The following WWC2 variants were observed in gnomAD, a reference collection of about 807,000 sequenced individuals.
WWC2 encodes the protein WW and C2 domain containing 2.
In WWC2, 101 loss-of-function variants were observed where a neutral mutation model predicts 138.5. The observed-to-expected ratio is 0.73, with a 90% CI of 0.62 to 0.86. The LOEUF is 0.86. Among genes scored for constraint, WWC2 ranks in the 40% least tolerant of loss-of-function variants. The probability of loss-of-function intolerance (pLI) is 0.00; values close to 1 mark genes in which losing one functional copy is unlikely to be tolerated. For missense variants in WWC2, 1,420 were observed against 1,419.4 expected, an observed-to-expected ratio of 1.00 and a Z score of -0.01; for synonymous variants, 558 against 538.4, an observed-to-expected ratio of 1.04 and a Z score of -0.50.
At chr4:183,231,333 G>A (rs920799968) in intron 4 of WWC2, among the ~76,000 whole-genome samples, 3 of 140,534 alleles carry the variant, frequency 2.1e-5, no homozygotes, top group East Asian at 2.2e-4. Context: ...GCAGTGGCGC[G>A]ATCTCAGCTC....
chr4:183,200,170 T>G (rs1735259361), intron 2 of WWC2, among the ~76,000 whole-genome samples: 1 of 152,184 alleles, frequency 6.6e-6, no homozygotes, highest in East Asian at 1.9e-4. Flanking sequence ...TCCTGACCTA[T>G]CCAAGACAAA....
At chr4:183,277,474 A>G (rs1377386727) in intron 16 of WWC2, among the ~76,000 whole-genome samples, 5 of 150,888 alleles carry the variant, frequency 3.3e-5, no homozygotes, top group Admixed American at 1.3e-4. Context: ...AGCATGATTT[A>G]TAGTCCTTTG....
intron 1 of WWC2, among the ~76,000 whole-genome samples, chr4:183,124,822 C>G (rs1381168086): frequency 6.6e-6 from 1 of 152,130 alleles, no homozygotes; most frequent in Non-Finnish European, 1.5e-5. Flanking sequence ...AACTCTTGAC[C>G]TTGTGATCTG....
chr4:183,099,671 T>G (rs759115055), intron 1 of WWC2, 49 bp downstream of exon 1: 13 of 1,207,060 alleles, frequency 1.1e-5, no homozygotes, highest in Non-Finnish European at 1.4e-5. Context: ...CGGCGGCTGT[T>G]GTCCCGGAGA....
intron 1 of WWC2, among the ~76,000 whole-genome samples, chr4:183,150,124 T>G (rs1005070653): frequency 6.6e-6 from 1 of 152,132 alleles, no homozygotes; most frequent in Non-Finnish European, 1.5e-5. Flanking sequence ...GAGTGAGAGG[T>G]CCTGGCCTGC....
intron 1 of WWC2, among the ~76,000 whole-genome samples, chr4:183,134,709 A>G (rs1579972883): frequency 6.6e-6 from 1 of 152,254 alleles, no homozygotes; most frequent in African/African-American, 2.4e-5. Context: ...ATTTGTTAGT[A>G]GGTACGTGCA....
Position 183,315,955 on chromosome 4 carries a change from G to C in WWC2, c.*226G>C, listed in dbSNP as rs1739423388. 1 of 430,810 alleles carries C rather than the reference G, an allele frequency of 2.3e-6. No homozygotes were observed. The highest frequency in any genetic ancestry group is 4.3e-5 in the East Asian group (1 of 23,026). 26.7% of individuals were successfully genotyped at this position (430,810 alleles called of 1,614,324 possible). A position where few individuals can be genotyped will look rare whatever the true frequency, so the allele number is the denominator to read the frequency against. Reference sequence around the variant, plus strand: ...AGAAAAAATCATATAAGAAAGATGGGATAACCTGGTACACAAATGTTGCCC... The same window carrying C: ...AGAAAAAATCATATAAGAAAGATGGCATAACCTGGTACACAAATGTTGCCC... On this transcript the variant is annotated 3_prime_UTR_variant, in exon 23 of 23. Transcript: ENST00000403733.
intron 4 of WWC2, among the ~76,000 whole-genome samples, chr4:183,213,925 TAAAA>T (rs759954959): frequency 7.0e-6 from 1 of 143,004 alleles, no homozygotes; most frequent in East Asian, 2.0e-4. Context: ...CAATTGCCGT[TAAAA>T]AAAAAAAAAC....
chr4:183,176,769 A>T (rs1261479570), intron 1 of WWC2, among the ~76,000 whole-genome samples: 1 of 151,934 alleles, frequency 6.6e-6, no homozygotes, highest in African/African-American at 2.4e-5. Context: ...AACCACTCAG[A>T]CTGCATCCTC....
At chr4:183,200,029 C>G (rs1735255697) in intron 2 of WWC2, among the ~76,000 whole-genome samples, 1 of 152,156 alleles carries the variant, frequency 6.6e-6, no homozygotes, top group African/African-American at 2.4e-5. Context: ...CTTTATGAAG[C>G]CTTCTAAGGT....
intron 1 of WWC2, among the ~76,000 whole-genome samples, chr4:183,120,319 CAAA>C (rs1561423462): frequency 6.6e-6 from 1 of 152,080 alleles, no homozygotes; most frequent in Non-Finnish European, 1.5e-5. Context: ...GAATTGTTAA[CAAA>C]GAAAGATGTA....
At chr4:183,242,100 T>C (rs1736642008) in intron 5 of WWC2, among the ~76,000 whole-genome samples, 1 of 152,176 alleles carries the variant, frequency 6.6e-6, no homozygotes. Flanking sequence ...AGCAGAAAGA[T>C]ATGATATCTA....
rs895313977 is a variant in WWC2 at position 183,319,624 on chromosome 4, A to G, written c.*3895A>G. ...TGATCTTGTGTTTGTGCCACTGCGT[A>G]GTGGCCCGAAGCTAGGGGAGCGTGG... On this transcript the variant is annotated 3_prime_UTR_variant, in exon 23 of 23. Transcript: ENST00000403733. 1 of 1,613,980 alleles carries G rather than the reference A, an allele frequency of 6.2e-7. No homozygotes were observed. The highest frequency in any genetic ancestry group is 1.3e-5 in the African/African-American group (1 of 74,898).
At chr4:183,269,566 AT>A in intron 15 of WWC2, 1 of 466,612 alleles carries the variant, frequency 2.1e-6, no homozygotes, top group Non-Finnish European at 4.4e-6. Context: ...GAAATGGATG[AT>A]TATCCACTAT....
At chr4:183,134,920 G>A (rs1038813919) in intron 1 of WWC2, among the ~76,000 whole-genome samples, 31 of 151,464 alleles carry the variant, frequency 2.0e-4, no homozygotes, top group Admixed American at 1.8e-3. Context: ...AATCTAGTCC[G>A]ATATGATCTT....
intron 1 of WWC2, among the ~76,000 whole-genome samples, chr4:183,137,350 C>T (rs1283956223): frequency 6.6e-6 from 1 of 151,892 alleles, no homozygotes; most frequent in Non-Finnish European, 1.5e-5. Context: ...TGTCCTTGTT[C>T]TATAAGCTTT....
intron 16 of WWC2, among the ~76,000 whole-genome samples, chr4:183,276,214 T>C (rs1333358181): frequency 2.6e-5 from 4 of 152,114 alleles, no homozygotes; most frequent in African/African-American, 9.6e-5. Flanking sequence ...ATATTATATT[T>C]AAAGTATTCT....
intron 22 of WWC2, 55 bp downstream of exon 22, chr4:183,312,523 G>A: frequency 6.2e-7 from 1 of 1,606,448 alleles, no homozygotes; most frequent in Middle Eastern, 1.7e-4. Context: ...GTCTGATTGT[G>A]TAGGAATTCA....
At chr4:183,308,555 A>G (rs1319809955) in intron 21 of WWC2, among the ~76,000 whole-genome samples, 1 of 152,138 alleles carries the variant, frequency 6.6e-6, no homozygotes, top group East Asian at 1.9e-4. Flanking sequence ...AGATTGACCC[A>G]CTTAAATATA....
Sources: allele counts gnomAD v4.1 joint callset (sites outside exome capture counted in the v4.1 genomes callset), GRCh38; gene constraint gnomAD v4.1.1; transcripts MANE v1.5; gene names NCBI Gene and HGNC (gene_info 2026-07-23, HGNC 2026-07-21).